Variants in PLBD1 observed in about 807,000 individuals in gnomAD.
The protein encoded by PLBD1 is phospholipase B domain containing 1, also known as lysosomal leucine aminopeptidase.
PLBD1 carries 60 observed loss-of-function variants against 63.0 expected under a neutral mutation model. The ratio of observed to expected loss-of-function variants is 0.95; its 90% CI spans 0.77 to 1.18. The LOEUF (loss-of-function observed/expected upper bound fraction) is 1.18, where lower values mean the gene tolerates loss of function less well. Ranked by LOEUF, PLBD1 falls within the 50% of genes most tolerant of loss-of-function variation. The pLI, the probability that PLBD1 is intolerant of heterozygous loss-of-function variation, is 0.00. For missense variants in PLBD1, 598 were observed against 677.9 expected (o/e 0.88, Z 1.31); for synonymous variants, 262 against 248.0 (o/e 1.06, Z -0.53).
intron 2 of PLBD1, 102 bp from the exon 3 acceptor site, chr12:14,542,393 T>A (rs1429717025): frequency 3.7e-6 from 3 of 819,220 alleles, no homozygotes; most frequent in Non-Finnish European, 6.0e-6. Context: ...TGTCCCTTAT[T>A]ACAAACTCTG....
chr12:14,515,231 T>C (rs1299915630), intron 6 of PLBD1, among the ~76,000 whole-genome samples: 1 of 152,104 alleles, frequency 6.6e-6, no homozygotes, highest in Non-Finnish European at 1.5e-5. Flanking sequence ...GGAAATCATC[T>C]TATGACCAGT....
In PLBD1 at chr12:14,527,728, A is replaced by C. The variant is rs7961313; in HGVS notation, c.844+7931T>G. Among the ~76,000 whole-genome samples the C allele has an allele frequency of 8.5e-3, 1,294 of 152,258 alleles. 16 individuals are homozygous for C. Among genetic ancestry groups the C allele is most frequent in the African/African-American group, 0.029 (1,208 of 41,564 alleles). The stretch of plus-strand genomic sequence containing the variant: ...CTTTATTGGCCCTTAAACTGAATCA[A>C]GATCTGAAATGTAGAGATGATCTCT... On this transcript the variant is annotated intron_variant, in intron 6 of 10. Transcript: ENST00000240617.
At chr12:14,534,543 C>CTT (rs1286445435) in intron 6 of PLBD1, among the ~76,000 whole-genome samples, 15 of 137,824 alleles carry the variant, frequency 1.1e-4, no homozygotes, top group Admixed American at 1.4e-4. Context: ...CTTTTCTTTT[C>CTT]TTTTTTTTTT....
chr12:14,534,769 C>T (rs1945499003), intron 6 of PLBD1, among the ~76,000 whole-genome samples: 1 of 152,174 alleles, frequency 6.6e-6, no homozygotes, highest in Non-Finnish European at 1.5e-5. Context: ...GTCTCAATCT[C>T]CTGACCTCGT....
At chr12:14,559,662 T>A (rs188568599) in intron 1 of PLBD1, among the ~76,000 whole-genome samples, 2 of 152,266 alleles carry the variant, frequency 1.3e-5, no homozygotes, top group Admixed American at 1.3e-4. Context: ...TTAACAGCAA[T>A]ATCCTCAAAA....
intron 4 of PLBD1, among the ~76,000 whole-genome samples, chr12:14,540,192 C>T (rs1288745693): frequency 1.5e-5 from 2 of 133,340 alleles, no homozygotes; most frequent in Non-Finnish European, 3.2e-5. Context: ...AGATTATATA[C>T]ATATATACTG....
At chr12:14,519,428 G>A (rs888353294) in intron 6 of PLBD1, among the ~76,000 whole-genome samples, 1 of 151,924 alleles carries the variant, frequency 6.6e-6, no homozygotes, top group Admixed American at 6.6e-5. Flanking sequence ...AGACCACCTG[G>A]CTAACAGGGC....
rs992700358 is a variant in PLBD1, at chr12:14,536,263, C to T, written c.699+307G>A. On this transcript the variant is annotated intron_variant, in intron 5 of 10. Coordinates refer to ENST00000240617, the MANE Select transcript of PLBD1 (RefSeq NM_024829.6). ...GCAGTGAGGCAAGCTCACACCACTGCACTCCAGCCTGGGCAACAAAGTGAG... is the reference window on the plus strand; with the variant it reads ...GCAGTGAGGCAAGCTCACACCACTGTACTCCAGCCTGGGCAACAAAGTGAG... 6 of 296,824 alleles carry T rather than the reference C, an allele frequency of 2.0e-5. No homozygotes were observed. In the East Asian group the frequency reaches 2.3e-4, roughly 11 times the overall value. 18.4% of individuals were successfully genotyped at this position (296,824 alleles called of 1,614,324 possible). A position where few individuals can be genotyped will look rare whatever the true frequency, so the allele number is the denominator to read the frequency against.
At chr12:14,528,385 T>G (rs1025509911) in intron 6 of PLBD1, among the ~76,000 whole-genome samples, 6 of 152,126 alleles carry the variant, frequency 3.9e-5, no homozygotes, top group African/African-American at 1.4e-4. Flanking sequence ...CAGAATATGC[T>G]CTCTGATCTC....
chr12:14,558,739 C>T (rs1231636500), intron 1 of PLBD1, among the ~76,000 whole-genome samples: 3 of 152,174 alleles, frequency 2.0e-5, no homozygotes, highest in Non-Finnish European at 4.4e-5. Context: ...TAATTTGGGG[C>T]TTGCTCAAGG....
At chr12:14,525,881 T>C (rs1945412544) in intron 6 of PLBD1, among the ~76,000 whole-genome samples, 1 of 152,200 alleles carries the variant, frequency 6.6e-6, no homozygotes, top group Non-Finnish European at 1.5e-5. Flanking sequence ...TTTAAGTTCC[T>C]ATATATTTTT....
intron 1 of PLBD1, among the ~76,000 whole-genome samples, chr12:14,566,792 A>G (rs529066961): frequency 7.6e-4 from 27 of 35,384 alleles, no homozygotes; most frequent in African/African-American, 2.7e-3. Context: ...AGGATTATAT[A>G]TTAAAAAAAA....
intron 2 of PLBD1, among the ~76,000 whole-genome samples, chr12:14,551,512 AGCCACCTTCAAAAGTGGCT>A: frequency 6.6e-6 from 1 of 152,356 alleles, no homozygotes; most frequent in Non-Finnish European, 1.5e-5. Context: ...AAAATGATAA[AGCCACCTTCAAAAGTGGCT>A]GCTATGAGAT....
chr12:14,506,935 T>C lies in PLBD1; in HGVS notation c.1370A>G (p.Asn457Ser). 1 of 1,613,854 alleles carries C rather than the reference T, an allele frequency of 6.2e-7. No homozygotes were observed. The change falls in exon 9 of 11, where the codon AAC (asparagine) becomes AGC (serine). Residue 457 changes from asparagine to serine, a missense_variant and splice_region_variant. Coordinates refer to ENST00000240617, the MANE Select transcript of PLBD1 (RefSeq NM_024829.6). ...TTCTTGAGAAATATGCTACGTACTG[T>C]TGTATCGCATGATATATTTCATGGA... is the stretch of plus-strand genomic sequence containing the variant. ...TASMKYIMRYNNYKKDPYSRG... is the reference protein window; with the variant it reads ...TASMKYIMRYSNYKKDPYSRG...
chr12:14,537,043 C>T (rs10846019), intron 4 of PLBD1, among the ~76,000 whole-genome samples: 4 of 147,492 alleles, frequency 2.7e-5, no homozygotes, highest in African/African-American at 5.1e-5. Context: ...GAGCCAAGAT[C>T]GCACCACAGC....
In PLBD1 at chr12:14,553,221, C is replaced by T; in HGVS notation, c.307G>A (p.Gly103Ser). The change falls in exon 2 of 11, where the codon GGC becomes AGC. Residue 103 changes from glycine (G) to serine (S), a missense_variant. By Grantham distance (56) the Gly-to-Ser change is moderately conservative. Coordinates refer to ENST00000240617, the MANE Select transcript of PLBD1 (RefSeq NM_024829.6). Reference protein sequence around the residue: ...LSNEIIMFVAGFLEGYLTAPH... With the variant: ...LSNEIIMFVASFLEGYLTAPH... ...GCAGTGAGGTAACCCTCCAAAAAGCCAGCCACAAACATGATGATCTCATTG... is the reference window on the plus strand; with the variant it reads ...GCAGTGAGGTAACCCTCCAAAAAGCTAGCCACAAACATGATGATCTCATTG... 1 of 1,613,464 alleles carries T rather than the reference C, an allele frequency of 6.2e-7. No homozygotes were observed. Among genetic ancestry groups the T allele is most frequent in the Non-Finnish European group, 8.5e-7 (1 of 1,179,832 alleles).
In PLBD1 at chr12:14,556,622, G is replaced by C. The variant is rs570969915; in HGVS notation, c.116-3210C>G. Among the ~76,000 whole-genome samples the C allele has an allele frequency of 2.9e-3, 442 of 151,896 alleles. 2 individuals are homozygous for C. The highest frequency in any genetic ancestry group is 0.01 in the African/African-American group (426 of 41,440). On this transcript the variant is annotated intron_variant, in intron 1 of 10. Coordinates refer to ENST00000240617, the MANE Select transcript of PLBD1 (RefSeq NM_024829.6). The stretch of plus-strand genomic sequence containing the variant: ...AACCTCAGGTGATCCGCCTGCCTCG[G>C]CCTCCCAAAGTGCTTGGATTACAGG...
At chr12:14,525,430 A>C (rs1208536271) in intron 6 of PLBD1, among the ~76,000 whole-genome samples, 1 of 152,112 alleles carries the variant, frequency 6.6e-6, no homozygotes, top group Non-Finnish European at 1.5e-5. Flanking sequence ...CATCTGATGG[A>C]TAAATGACTG....
chr12:14,506,994 G>T lies in PLBD1; in HGVS notation c.1311C>A (p.Phe437Leu). ...SYDLAPRAKI[F>L]RRDQGKVTDT... The stretch of plus-strand genomic sequence containing the variant: ...CAGTCACTTTCCCTTGGTCACGCCG[G>T]AAAATTTTGGCTCGTGGAGCTAAAT... Residue 437 changes from phenylalanine to leucine, a missense_variant, in exon 9 of 11, where the codon TTC (phenylalanine) becomes TTA (leucine). Physicochemically the swap from Phe to Leu is conservative, Grantham distance 22 (BLOSUM62 0). Transcript: ENST00000240617. 1 of 1,614,054 alleles carries T rather than the reference G, an allele frequency of 6.2e-7. No homozygotes were observed. Among genetic ancestry groups the T allele is most frequent in the East Asian group, 2.2e-5 (1 of 44,862 alleles).
Sources: gnomAD v4.1 joint callset for allele counts (sites outside exome capture counted in the v4.1 genomes callset) on GRCh38, gnomAD v4.1.1 for gene constraint, MANE v1.5 for transcripts, NCBI Gene and HGNC (gene_info 2026-07-23, HGNC 2026-07-21) for gene names.